Variants in AGBL2 observed in about 807,000 individuals in gnomAD.
The protein encoded by AGBL2 is AGBL carboxypeptidase 2.
Under a neutral mutation model 103.0 loss-of-function variants are expected in AGBL2, and 87 were observed. That is an observed-to-expected ratio of 0.84 (90% CI 0.71 to 1.01). AGBL2 has a LOEUF of 1.01. Among genes scored for constraint, AGBL2 ranks in the 50% least tolerant of loss-of-function variants. The probability of loss-of-function intolerance (pLI) is 0.00; values close to 1 mark genes in which losing one functional copy is unlikely to be tolerated. For synonymous variants in AGBL2, 335 were observed against 356.7 expected (o/e 0.94, Z 0.69); for missense variants, 904 against 1,023.5 (o/e 0.88, Z 1.59).
At position 47,714,349 on chromosome 11, in the gene AGBL2, T is replaced by A; in HGVS notation, c.34-2A>T. On this transcript the variant is annotated splice_acceptor_variant, in intron 2 of 18. Transcript: ENST00000525123. LOFTEE classifies it high-confidence loss of function. ...GTCTTCATAAGGATCAGGAATAGTCTGTGAAAGGAAAGGCCACTTCAATCA... is the reference window on the plus strand; with the variant it reads ...GTCTTCATAAGGATCAGGAATAGTCAGTGAAAGGAAAGGCCACTTCAATCA... 1 of 1,612,386 alleles carries A rather than the reference T, an allele frequency of 6.2e-7. No individual in the cohort carries two copies. The highest frequency in any genetic ancestry group is 8.5e-7 in the Non-Finnish European group (1 of 1,179,010).
chr11:47,707,553 TG>T (rs1490377058), intron 4 of AGBL2, among the ~76,000 whole-genome samples: 1 of 152,122 alleles, frequency 6.6e-6, no homozygotes, highest in African/African-American at 2.4e-5. Context: ...GGAAAAAACC[TG>T]CCCCCATGAT....
chr11:47,667,104 T>G lies in AGBL2; in HGVS notation c.2341-41A>C, dbSNP rs542213856. On this transcript the variant is annotated intron_variant, in intron 16 of 18. Coordinates refer to ENST00000525123, the MANE Select transcript of AGBL2 (RefSeq NM_024783.4). ...AAGAGAATCTTTTTCAATTGATCTA[T>G]TCAAAATTGATCCAATTTACCCAAC... The G allele has an allele frequency of 5.3e-5, 73 of 1,377,850 alleles. No homozygotes were observed. In the South Asian group the frequency reaches 8.8e-4, roughly 17 times the overall value. 85.4% of individuals were successfully genotyped at this position (1,377,850 alleles called of 1,614,324 possible).
chr11:47,710,985 A>G, intron 3 of AGBL2: 1 of 380,598 alleles, frequency 2.6e-6, no homozygotes, highest in African/African-American at 2.1e-5. Flanking sequence ...TTTGAATTCA[A>G]CATAGAAAGG....
chr11:47,710,820 A>G (rs1447205759), intron 3 of AGBL2: 2 of 479,918 alleles, frequency 4.2e-6, no homozygotes, highest in Admixed American at 4.6e-5. Context: ...GAACTCAGAA[A>G]ATGATAGCCA....
At position 47,674,122 on chromosome 11, in the gene AGBL2, A is replaced by G. The variant is rs140373079; in HGVS notation, c.2147+3149T>C. On this transcript the variant is annotated intron_variant, in intron 14 of 18. Transcript: ENST00000525123. ...ATAAATAAATAAATAAAACAGATAT[A>G]GTAAAGACTTAAATGATACAGAATG... Among the ~76,000 whole-genome samples, 1,216 of 152,188 alleles carry G rather than the reference A, an allele frequency of 8.0e-3. 16 individuals carry two copies. Among genetic ancestry groups the G allele is most frequent in the African/African-American group, 0.027 (1,139 of 41,532 alleles).
At chr11:47,703,656 G>A (rs2097506373) in intron 7 of AGBL2, among the ~76,000 whole-genome samples, 1 of 152,140 alleles carries the variant, frequency 6.6e-6, no homozygotes, top group Non-Finnish European at 1.5e-5. Flanking sequence ...CGGGTGTGGT[G>A]GCTCACATCT....
intron 14 of AGBL2, 128 bp from the exon 15 acceptor site, chr11:47,669,035 T>A: frequency 1.5e-6 from 1 of 650,364 alleles, no homozygotes; most frequent in Non-Finnish European, 2.7e-6. Context: ...TCTCTCATTG[T>A]CTATGCTTCA....
At chr11:47,713,745 C>T (rs886846017) in intron 3 of AGBL2, among the ~76,000 whole-genome samples, 18 of 151,028 alleles carry the variant, frequency 1.2e-4, no homozygotes, top group Non-Finnish European at 2.1e-4. Flanking sequence ...CCCACCACCA[C>T]GCCCGGCTAA....
At chr11:47,668,950 A>C in intron 14 of AGBL2, 43 bp from the exon 15 acceptor site, 1 of 1,394,660 alleles carries the variant, frequency 7.2e-7, no homozygotes, top group Non-Finnish European at 1.0e-6. Context: ...ACTGTCATTG[A>C]TATGTCTAGG....
chr11:47,679,025 C>T (rs1565028059), intron 13 of AGBL2, among the ~76,000 whole-genome samples: 1 of 125,640 alleles, frequency 8.0e-6, no homozygotes, highest in Non-Finnish European at 1.6e-5. Flanking sequence ...CGCCACTGCA[C>T]TCCAGCCTGG....
Position 47,667,677 on chromosome 11 carries a change from ATCT to A in AGBL2, c.2231_2233del (p.Lys744del), listed in dbSNP as rs765108242. 1.5e-5 allele frequency: 24 copies of A among 1,612,028 alleles called. No homozygotes were observed. The highest frequency in any genetic ancestry group is 8.9e-5 in the East Asian group (4 of 44,862). On this transcript the variant is annotated inframe_deletion, in exon 16 of 19. Coordinates refer to ENST00000525123, the MANE Select transcript of AGBL2 (RefSeq NM_024783.4). ...TGACTTCTTTTTTTTCTTCTTAAAC[ATCT>A]TCTTTTTCTGAGTCAGCTATTCCAG...
rs146412699 is a variant in AGBL2 at position 47,680,022 on chromosome 11, T to G, written c.1967A>C (p.Tyr656Ser). 3.0e-5 allele frequency: 49 copies of G among 1,612,962 alleles called. No homozygotes were observed. In the African/African-American group the frequency reaches 6.2e-4, roughly 20 times the overall value. Residue 656 changes from tyrosine to serine, a missense_variant, in exon 13 of 19, where the codon TAT becomes TCT. Tyr to Ser is a moderately radical substitution (Grantham distance 144). Transcript: ENST00000525123. ...FTIEDLKSLG[Y>S]HVCDTLLDFC... ...GTCCAGAAGGGTGTCACAGACATGA[T>G]AACCTAAGGACTTCAGATCTTCGAT...
At chr11:47,709,991 G>A (rs375567091) in intron 4 of AGBL2, among the ~76,000 whole-genome samples, 1 of 151,916 alleles carries the variant, frequency 6.6e-6, no homozygotes, top group Admixed American at 6.6e-5. Flanking sequence ...CTGGGTTCAA[G>A]TGATCCTCCC....
chr11:47,691,725 A>ATATATATATATATATGTAT (rs1489772939), intron 9 of AGBL2, among the ~76,000 whole-genome samples: 7 of 5,316 alleles, frequency 1.3e-3, no homozygotes, highest in African/African-American at 3.3e-3. Flanking sequence ...AAAAAAAAAA[A>ATATATATATATATATGTAT]AAAAATATAT....
chr11:47,692,224 T>A lies in AGBL2; in HGVS notation c.727A>T (p.Arg243Ter). 1 of 1,613,726 alleles carries A rather than the reference T, an allele frequency of 6.2e-7. No homozygotes were observed. The highest frequency in any genetic ancestry group is 2.2e-5 in the East Asian group (1 of 44,862). ...ACAATTCCTCGTTTGCCTCCCACTC[T>A]GGAACTGGTAAAATAGGAACCTTCT... ...PIEGSYFTSSRVGGKRGIVKE... is the reference protein window; with the variant it reads ...PIEGSYFTSS The change falls in exon 9 of 19, where the codon AGA becomes TGA. Residue 243 changes from arginine (R) to a stop codon, truncating the protein, a stop_gained. Coordinates refer to ENST00000525123, the MANE Select transcript of AGBL2 (RefSeq NM_024783.4). LOFTEE classifies it high-confidence loss of function.
At chr11:47,669,967 A>G (rs2153802872) in intron 14 of AGBL2, among the ~76,000 whole-genome samples, 1 of 152,362 alleles carries the variant, frequency 6.6e-6, no homozygotes, top group East Asian at 1.9e-4. Flanking sequence ...CACCTACTGC[A>G]TGCCAAGCAG....
chr11:47,683,228 C>T (rs2097408966), intron 11 of AGBL2, among the ~76,000 whole-genome samples: 2 of 151,846 alleles, frequency 1.3e-5, no homozygotes, highest in South Asian at 4.2e-4. Flanking sequence ...AAAAAATTAG[C>T]CGGGCATGGC....
intron 14 of AGBL2, among the ~76,000 whole-genome samples, chr11:47,676,751 G>C (rs1204168484): frequency 6.6e-6 from 1 of 151,316 alleles, no homozygotes; most frequent in Non-Finnish European, 1.5e-5. Flanking sequence ...CCCGGAAGGC[G>C]GAGCTTGCGG....
chr11:47,672,292 T>C lies in AGBL2; in HGVS notation c.2148-3385A>G, dbSNP rs138278733. On this transcript the variant is annotated intron_variant, in intron 14 of 18. Transcript: ENST00000525123. Reference sequence around the variant, plus strand: ...TCATGCCTAGCCACATCTTGGGCACTATTTCTATGAGTTGATATGCAGAGC... The same window carrying C: ...TCATGCCTAGCCACATCTTGGGCACCATTTCTATGAGTTGATATGCAGAGC... Among the ~76,000 whole-genome samples, 552 of 151,454 alleles carry C rather than the reference T, an allele frequency of 3.6e-3. 5 individuals carry two copies. Among genetic ancestry groups the C allele is most frequent in the African/African-American group, 0.013 (530 of 41,370 alleles).
Sources: allele counts gnomAD v4.1 joint callset (sites outside exome capture counted in the v4.1 genomes callset), GRCh38; gene constraint gnomAD v4.1.1; transcripts MANE v1.5; gene names NCBI Gene and HGNC (gene_info 2026-07-23, HGNC 2026-07-21).